Variants in KCNN2 observed in about 807,000 individuals in gnomAD.
KCNN2 encodes potassium calcium-activated channel subfamily N member 2.
Under a neutral mutation model 55.5 loss-of-function variants are expected in KCNN2, and 24 were observed. That is an observed-to-expected ratio of 0.43 (90% confidence interval 0.31 to 0.61). The LOEUF (loss-of-function observed/expected upper bound fraction) is 0.61, where lower values mean the gene tolerates loss of function less well. Among genes scored for constraint, KCNN2 ranks in the 20% least tolerant of loss-of-function variants. KCNN2 has a pLI of 0.08. For synonymous variants in KCNN2, 431 were observed against 336.1 expected, an observed-to-expected ratio of 1.28 and a Z score of -3.09; for missense variants, 754 against 853.6, an observed-to-expected ratio of 0.88 and a Z score of 1.45.
chr5:114,496,135 C>T lies in KCNN2; in HGVS notation c.2329C>T (p.Arg777Trp), dbSNP rs79675198. Residue 777 changes from arginine to tryptophan, a missense_variant, in exon 8 of 8, where the codon CGG becomes TGG. Around this residue, in one of 4 missense-constraint regions of KCNN2, gnomAD observed 164 missense variants for 156.6 expected, o/e 1.05. Transcript: ENST00000673685. ...GCGGTCCCGGTCCTCGTCCAGGAGG[C>T]GGCGGTCCTCTTCCACAGCACCACC... The part of the protein sequence containing the change: ...AERSRSSSRR[R>W]RSSSTAPPTS... The T allele has an allele frequency of 2.7e-5, 44 of 1,613,926 alleles. No individual in the cohort carries two copies. Among genetic ancestry groups the T allele is most frequent in the African/African-American group, 4.0e-5 (3 of 75,004 alleles).
chr5:114,233,409 A>G (rs1754403669), intron 2 of KCNN2, among the ~76,000 whole-genome samples: 1 of 152,158 alleles, frequency 6.6e-6, no homozygotes, highest in South Asian at 2.1e-4. Context: ...CTGATCACTC[A>G]TATATATCTA....
intron 2 of KCNN2, among the ~76,000 whole-genome samples, chr5:114,347,827 A>G (rs1052160897): frequency 1.8e-4 from 28 of 152,242 alleles, no homozygotes; most frequent in African/African-American, 6.8e-4. Context: ...CTTCAAAGCT[A>G]TCCTCACCTC....
At position 114,373,722 on chromosome 5, in the gene KCNN2, G is replaced by T. The variant is rs537244783; in HGVS notation, c.1218+9721G>T. Among the ~76,000 whole-genome samples, 5 of 139,974 alleles carry T rather than the reference G, an allele frequency of 3.6e-5. No individual in the cohort carries two copies. The South Asian group carries it at 1.2e-3, about 33-fold the overall frequency. The allele number at this position is 139,974 out of a possible 152,430, so 91.8% of individuals were successfully genotyped here. ...ATTTACATGTCAGCTCTTGGTTATT[G>T]TTCACTATTTTGGAGTTTGTTGGGG... is the stretch of plus-strand genomic sequence containing the variant. On this transcript the variant is annotated intron_variant, in intron 2 of 7. Coordinates refer to ENST00000673685, the MANE Select transcript of KCNN2 (RefSeq NM_021614.4).
intron 2 of KCNN2, among the ~76,000 whole-genome samples, chr5:114,240,516 C>T (rs1754596587): frequency 6.6e-6 from 1 of 151,766 alleles, no homozygotes; most frequent in Non-Finnish European, 1.5e-5. Context: ...CTTCAACCTC[C>T]ACTTTCCCAG....
At chr5:114,240,581 G>C (rs1038826560) in intron 2 of KCNN2, among the ~76,000 whole-genome samples, 1 of 151,774 alleles carries the variant, frequency 6.6e-6, no homozygotes, top group Non-Finnish European at 1.5e-5. Context: ...ACAGGTGCAC[G>C]TCACCATGCC....
At chr5:114,411,449 T>G (rs337709) in intron 3 of KCNN2, among the ~76,000 whole-genome samples, 78,563 of 151,764 alleles carry the variant, frequency 0.52, 22,504 homozygotes, top group African/African-American at 0.78. Flanking sequence ...GGAGACAGGG[T>G]ATGCTGGTAT....
chr5:114,244,294 A>ATT (rs142581964), intron 2 of KCNN2, among the ~76,000 whole-genome samples: 1 of 150,282 alleles, frequency 6.7e-6, no homozygotes, highest in African/African-American at 2.5e-5. Flanking sequence ...GCAAGATGGA[A>ATT]TTTTTTTGCT....
chr5:114,153,323 G>A (rs1282743042), intron 1 of KCNN2, among the ~76,000 whole-genome samples: 3 of 152,168 alleles, frequency 2.0e-5, no homozygotes, highest in African/African-American at 4.8e-5. Context: ...CACTCCAGTA[G>A]GCTGACCTCC....
chr5:114,120,919 C>T (rs1217720668), intron 1 of KCNN2, among the ~76,000 whole-genome samples: 1 of 152,198 alleles, frequency 6.6e-6, no homozygotes, highest in Non-Finnish European at 1.5e-5. Flanking sequence ...ATATGAGCTG[C>T]TGTGTCTAGG....
At chr5:114,220,488 C>A (rs1167062604) in intron 1 of KCNN2, among the ~76,000 whole-genome samples, 1 of 151,640 alleles carries the variant, frequency 6.6e-6, no homozygotes, top group Non-Finnish European at 1.5e-5. Flanking sequence ...AGCAGTTTTT[C>A]AAAAACTATT....
chr5:114,310,944 T>C (rs533343704), intron 2 of KCNN2, among the ~76,000 whole-genome samples: 9 of 152,112 alleles, frequency 5.9e-5, no homozygotes, highest in Non-Finnish European at 1.0e-4. Context: ...ATCATGATGA[T>C]TTGAGTTTAT....
chr5:114,266,992 C>CTT (rs58929255), intron 2 of KCNN2, among the ~76,000 whole-genome samples: 1 of 110,282 alleles, frequency 9.1e-6, no homozygotes, highest in Non-Finnish European at 1.9e-5. Context: ...CCCTTCCCTC[C>CTT]TTTTTTTTTT....
intron 3 of KCNN2, among the ~76,000 whole-genome samples, chr5:114,408,409 C>T (rs55835326): frequency 2.0e-5 from 3 of 151,976 alleles, no homozygotes; most frequent in African/African-American, 4.8e-5. Context: ...TGTCTCTGAA[C>T]GTTTTTTTAG....
At chr5:114,217,245 A>G (rs1002672823) in intron 1 of KCNN2, among the ~76,000 whole-genome samples, 4 of 152,108 alleles carry the variant, frequency 2.6e-5, no homozygotes, top group African/African-American at 4.8e-5. Flanking sequence ...GATATCAATA[A>G]ACTAATTCTA....
At chr5:114,119,137 T>C (rs1751777497) in intron 1 of KCNN2, among the ~76,000 whole-genome samples, 1 of 152,220 alleles carries the variant, frequency 6.6e-6, no homozygotes, top group African/African-American at 2.4e-5. Context: ...TATTCCTTTC[T>C]AAGTTTGGTT....
chr5:114,108,715 T>C (rs1424614814), intron 1 of KCNN2, among the ~76,000 whole-genome samples: 2 of 152,094 alleles, frequency 1.3e-5, no homozygotes, highest in Admixed American at 1.3e-4. Context: ...TGTCTTCTTA[T>C]TGTTGAGTAA....
At chr5:114,066,879 A>G (rs1052762445) in intron 1 of KCNN2, among the ~76,000 whole-genome samples, 7 of 152,152 alleles carry the variant, frequency 4.6e-5, no homozygotes, top group African/African-American at 1.2e-4. Context: ...GTGCCTGGCT[A>G]TGATTCAAGT....
intron 1 of KCNN2, among the ~76,000 whole-genome samples, chr5:114,160,267 T>C (rs996215617): frequency 6.6e-6 from 1 of 152,194 alleles, no homozygotes; most frequent in African/African-American, 2.4e-5. Context: ...ATGTACGCCA[T>C]AGTCGTTCAG....
rs145139620 is a variant in KCNN2, at chr5:114,171,614, T to G, written c.-270-49866T>G. ...CATACACTAGTCCCTCGTTAAGGAC[T>G]TTCCTCTCTAAACTTTGAACTTATT... is the stretch of plus-strand genomic sequence containing the variant. On this transcript the variant is annotated intron_variant, in intron 1 of 10. Transcript: ENST00000512097. Among the ~76,000 whole-genome samples the G allele has an allele frequency of 4.0e-3, 611 of 151,902 alleles. 4 individuals are homozygous for G. Among genetic ancestry groups the G allele is most frequent in the African/African-American group, 0.014 (580 of 41,520 alleles).
Sources: gnomAD v4.1 joint callset for allele counts (sites outside exome capture counted in the v4.1 genomes callset) on GRCh38, gnomAD v4.1.1 for gene constraint, gnomAD v4.1.1 regional missense constraint, MANE v1.5 for transcripts, NCBI Gene and HGNC (gene_info 2026-07-23, HGNC 2026-07-21) for gene names.